NKAIN2: variants seen among roughly 807,000 people sequenced by gnomAD.
The protein encoded by NKAIN2 is sodium/potassium transporting ATPase interacting 2.
In NKAIN2, 14 loss-of-function variants were observed where a neutral mutation model predicts 32.6. The observed-to-expected ratio is 0.43, with a 90% CI of 0.28 to 0.67. NKAIN2 has a LOEUF of 0.67. NKAIN2 is among the 30% of genes least tolerant of loss of function. The pLI is 0.17. For synonymous variants in NKAIN2, 80 were observed against 87.2 expected (o/e 0.92, Z 0.46); for missense variants, 198 against 258.3 (o/e 0.77, Z 1.60).
At chr6:124,242,232 A>C (rs1793143496) in intron 1 of NKAIN2, among the ~76,000 whole-genome samples, 1 of 152,220 alleles carries the variant, frequency 6.6e-6, no homozygotes, top group Non-Finnish European at 1.5e-5. Flanking sequence ...AAGTGGCCAA[A>C]GCATATGAAC....
intron 3 of NKAIN2, among the ~76,000 whole-genome samples, chr6:124,373,780 A>C (rs565344140): frequency 5.2e-4 from 79 of 152,250 alleles, no homozygotes; most frequent in African/African-American, 1.8e-3. Context: ...GGCAAAGAGA[A>C]AGTTATTGCC....
At chr6:124,132,231 C>T (rs1786516752) in intron 1 of NKAIN2, among the ~76,000 whole-genome samples, 1 of 152,164 alleles carries the variant, frequency 6.6e-6, no homozygotes, top group African/African-American at 2.4e-5. Flanking sequence ...AGAACCATAC[C>T]CCTGTCCCCC....
At chr6:123,879,975 G>A (rs761507318) in intron 1 of NKAIN2, among the ~76,000 whole-genome samples, 3 of 152,154 alleles carry the variant, frequency 2.0e-5, no homozygotes, top group Non-Finnish European at 4.4e-5. Context: ...AGCCCAGGCT[G>A]GGGAGTCCCT....
intron 2 of NKAIN2, among the ~76,000 whole-genome samples, chr6:124,316,650 G>A (rs1465607142): frequency 6.6e-6 from 1 of 152,116 alleles, no homozygotes; most frequent in Non-Finnish European, 1.5e-5. Flanking sequence ...TAAGAAAAGG[G>A]AAAGCTAAGA....
At chr6:124,087,444 GA>G (rs998418146) in intron 1 of NKAIN2, among the ~76,000 whole-genome samples, 40 of 151,316 alleles carry the variant, frequency 2.6e-4, no homozygotes, top group Middle Eastern at 3.4e-3. Flanking sequence ...GAAGAAAAGG[GA>G]AAAAAAATGT....
intron 3 of NKAIN2, among the ~76,000 whole-genome samples, chr6:124,656,845 C>A (rs1784555792): frequency 6.6e-6 from 1 of 152,108 alleles, no homozygotes; most frequent in Admixed American, 6.6e-5. Flanking sequence ...TCTCATACTG[C>A]CTAATTTTTG....
intron 1 of NKAIN2, among the ~76,000 whole-genome samples, chr6:123,936,892 T>G (rs1776536313): frequency 6.6e-6 from 1 of 152,108 alleles, no homozygotes; most frequent in Non-Finnish European, 1.5e-5. Context: ...GATCCAGCAG[T>G]TTTTGTGAAA....
intron 1 of NKAIN2, among the ~76,000 whole-genome samples, chr6:123,949,923 G>T (rs983706119): frequency 1.3e-5 from 2 of 151,910 alleles, no homozygotes; most frequent in Non-Finnish European, 2.9e-5. Flanking sequence ...CAATATGTTA[G>T]CTGTGGGTTG....
intron 2 of NKAIN2, among the ~76,000 whole-genome samples, chr6:124,349,238 C>T (rs959246967): frequency 1.3e-5 from 2 of 151,868 alleles, no homozygotes; most frequent in Non-Finnish European, 2.9e-5. Context: ...GCTGGTTTAC[C>T]CCCTCACAGA....
At chr6:124,549,222 G>C (rs1780202526) in intron 3 of NKAIN2, among the ~76,000 whole-genome samples, 1 of 152,070 alleles carries the variant, frequency 6.6e-6, no homozygotes, top group Non-Finnish European at 1.5e-5. Flanking sequence ...AAATAAATTA[G>C]CCAGGTGTGG....
chr6:123,966,781 G>T (rs528600793), intron 1 of NKAIN2, among the ~76,000 whole-genome samples: 11 of 152,124 alleles, frequency 7.2e-5, no homozygotes, highest in African/African-American at 2.2e-4. Context: ...TACTACTACT[G>T]CTGCAGGCTA....
intron 4 of NKAIN2, among the ~76,000 whole-genome samples, chr6:124,731,332 C>T (rs1271301620): frequency 1.3e-5 from 2 of 151,548 alleles, no homozygotes; most frequent in African/African-American, 4.9e-5. Flanking sequence ...CAATGATAGA[C>T]TGGATTAAGA....
At chr6:124,027,093 A>T (rs931686700) in intron 1 of NKAIN2, among the ~76,000 whole-genome samples, 1 of 148,906 alleles carries the variant, frequency 6.7e-6, no homozygotes, top group African/African-American at 2.5e-5. Context: ...TTTCCCTGGG[A>T]TGTCCTTTGT....
At chr6:124,571,558 T>C (rs1358852631) in intron 3 of NKAIN2, among the ~76,000 whole-genome samples, 1 of 152,172 alleles carries the variant, frequency 6.6e-6, no homozygotes, top group Non-Finnish European at 1.5e-5. Context: ...TACTCTCTTG[T>C]TGCCACCATG....
chr6:124,722,675 C>G (rs1776081805), intron 4 of NKAIN2, among the ~76,000 whole-genome samples: 1 of 152,164 alleles, frequency 6.6e-6, no homozygotes, highest in Non-Finnish European at 1.5e-5. Context: ...TGCTCCCCTC[C>G]TCCTCTGAGG....
intron 1 of NKAIN2, among the ~76,000 whole-genome samples, chr6:124,089,590 C>G (rs1048385973): frequency 6.6e-6 from 1 of 151,880 alleles, no homozygotes; most frequent in Non-Finnish European, 1.5e-5. Context: ...CTGCTTCCTT[C>G]TCTATACAAC....
At position 124,486,689 on chromosome 6, in the gene NKAIN2, A is replaced by C. The variant is rs573814308; in HGVS notation, c.273+131342A>C. ...GGATTTGGGAAGCTCTTCTTTACAG[A>C]ATGCTAAAAAGGAAAGCTTATTCCT... On this transcript the variant is annotated intron_variant, in intron 3 of 6. Transcript: ENST00000368417. Among the ~76,000 whole-genome samples, 12 of 152,218 alleles carry C rather than the reference A, an allele frequency of 7.9e-5. 1 individual carries two copies. In the South Asian group the frequency reaches 2.3e-3, roughly 29 times the overall value.
intron 3 of NKAIN2, among the ~76,000 whole-genome samples, chr6:124,604,309 T>C (rs1782416657): frequency 6.6e-6 from 1 of 152,052 alleles, no homozygotes; most frequent in African/African-American, 2.4e-5. Context: ...ATATAATTGC[T>C]AACTGCTCCC....
At chr6:124,385,750 C>T (rs146881327) in intron 3 of NKAIN2, among the ~76,000 whole-genome samples, 3 of 151,982 alleles carry the variant, frequency 2.0e-5, no homozygotes, top group Non-Finnish European at 2.9e-5. Flanking sequence ...CATGAGTAGC[C>T]AAGATCTACC....
Sources: allele counts gnomAD v4.1 joint callset (sites outside exome capture counted in the v4.1 genomes callset), GRCh38; gene constraint gnomAD v4.1.1; transcripts MANE v1.5; gene names NCBI Gene and HGNC (gene_info 2026-07-23, HGNC 2026-07-21).